The following DLG2 variants were observed in gnomAD, a reference collection of about 807,000 sequenced individuals.
DLG2 encodes the protein disks large homolog 2.
DLG2 carries 45 observed loss-of-function variants against 132.5 expected under a neutral mutation model. The ratio of observed to expected loss-of-function variants is 0.34; its 90% CI spans 0.27 to 0.44. The LOEUF (loss-of-function observed/expected upper bound fraction) is 0.44, where lower values mean the gene tolerates loss of function less well. Among genes scored for constraint, DLG2 ranks in the 20% least tolerant of loss-of-function variants. The probability of loss-of-function intolerance (pLI) is 1.00; values close to 1 mark genes in which losing one functional copy is unlikely to be tolerated. For synonymous variants in DLG2, 424 were observed against 419.6 expected (o/e 1.01, Z -0.13); for missense variants, 1,045 against 1,196.9 (o/e 0.87, Z 1.87).
intron 15 of DLG2, among the ~76,000 whole-genome samples, chr11:83,880,535 A>G (rs934477157): frequency 6.6e-6 from 1 of 152,070 alleles, no homozygotes; most frequent in Non-Finnish European, 1.5e-5. Flanking sequence ...TGTTTTTCCC[A>G]GGGTATAGGA....
chr11:85,411,905 T>C (rs1027502832), intron 3 of DLG2, among the ~76,000 whole-genome samples: 3 of 151,882 alleles, frequency 2.0e-5, no homozygotes, highest in Admixed American at 2.0e-4. Flanking sequence ...GACTGCAGTG[T>C]CTTTTCTCAT....
chr11:84,634,420 A>T (rs1314792774), intron 6 of DLG2, among the ~76,000 whole-genome samples: 1 of 152,196 alleles, frequency 6.6e-6, no homozygotes, highest in African/African-American at 2.4e-5. Flanking sequence ...ACTTAACTGG[A>T]TGTGTAAACA....
intron 7 of DLG2, among the ~76,000 whole-genome samples, chr11:84,304,913 T>C (rs1017903644): frequency 7.9e-5 from 12 of 152,198 alleles, no homozygotes; most frequent in African/African-American, 2.9e-4. Flanking sequence ...TTCCATTCTA[T>C]CAGATTCAAC....
intron 3 of DLG2, among the ~76,000 whole-genome samples, chr11:85,357,705 TA>T (rs1234014860): frequency 0.54 from 1,448 of 2,660 alleles, 151 homozygotes; most frequent in Admixed American, 0.56. Flanking sequence ...TGTTCTGAAT[TA>T]TATATATATA....
chr11:84,114,063 C>T (rs975591817), intron 9 of DLG2, among the ~76,000 whole-genome samples: 15 of 151,846 alleles, frequency 9.9e-5, no homozygotes, highest in East Asian at 9.7e-4. Context: ...ACTTACTACT[C>T]TTTTTGGCTT....
chr11:84,919,568 A>T (rs188375807), intron 6 of DLG2, among the ~76,000 whole-genome samples: 1 of 152,212 alleles, frequency 6.6e-6, no homozygotes, highest in Admixed American at 6.5e-5. Flanking sequence ...GTAACTAGTC[A>T]TTGCCTCTCT....
rs983113743 is a variant in DLG2, at chr11:84,200,810, T to C, written c.574-37299A>G. On this transcript the variant is annotated intron_variant, in intron 8 of 27. Transcript: ENST00000376104. ...GCACATTGATTCGGTATCCTGAGACTTTGCTGAAGTTGCTTATCAGCTTAA... is the reference window on the plus strand; with the variant it reads ...GCACATTGATTCGGTATCCTGAGACCTTGCTGAAGTTGCTTATCAGCTTAA... Among the ~76,000 whole-genome samples, 60 of 152,198 alleles carry C rather than the reference T, an allele frequency of 3.9e-4. 1 individual carries two copies. Among genetic ancestry groups the C allele is most frequent in the African/African-American group, 1.4e-3 (56 of 41,450 alleles).
chr11:84,942,849 T>C (rs935059924), intron 6 of DLG2, among the ~76,000 whole-genome samples: 1 of 152,098 alleles, frequency 6.6e-6, no homozygotes, highest in Admixed American at 6.6e-5. Context: ...TGTATTGAGA[T>C]TTTTCCCTCT....
At chr11:84,592,305 T>A (rs1251635086) in intron 6 of DLG2, among the ~76,000 whole-genome samples, 1 of 152,152 alleles carries the variant, frequency 6.6e-6, no homozygotes, top group Non-Finnish European at 1.5e-5. Context: ...ACTCACTGAA[T>A]TAAAGTATGA....
At chr11:84,461,988 AAAGACAGGAGATC>A (rs927197231) in intron 7 of DLG2, among the ~76,000 whole-genome samples, 3 of 151,006 alleles carry the variant, frequency 2.0e-5, no homozygotes, top group South Asian at 2.1e-4. Context: ...AAGACATCAG[AAAGACAGGAGATC>A]AAGATCCTTG....
chr11:84,201,808 C>CTTTTTTTT lies in DLG2; in HGVS notation c.574-38305_574-38298dup, dbSNP rs58905339. ...TCACAGAGTTAGAAGAAACTATTTTCTTTTTTTTTTTTTTTTTTTTTTTTT... is the reference window on the plus strand; with the variant it reads ...TCACAGAGTTAGAAGAAACTATTTTCTTTTTTTTTTTTTTTTTTTTTTTTTTTTTTTTT... On this transcript the variant is annotated intron_variant, in intron 8 of 27. Transcript: ENST00000376104. Among the ~76,000 whole-genome samples the CTTTTTTTT allele has an allele frequency of 1.1e-3, 74 of 64,608 alleles. 5 individuals carry two copies. The highest frequency in any genetic ancestry group is 1.4e-3 in the Non-Finnish European group (53 of 37,870). 42.4% of individuals were successfully genotyped at this position (64,608 alleles called of 152,430 possible).
intron 6 of DLG2, among the ~76,000 whole-genome samples, chr11:84,549,417 T>C (rs375452197): frequency 4.9e-4 from 74 of 152,342 alleles, no homozygotes; most frequent in African/African-American, 1.7e-3. Context: ...TGAGTGAGAA[T>C]CATTCACTAC....
chr11:83,789,281 A>G (rs1330524853), intron 17 of DLG2, among the ~76,000 whole-genome samples: 1 of 149,276 alleles, frequency 6.7e-6, no homozygotes, highest in African/African-American at 2.5e-5. Context: ...TTTATTCAAC[A>G]CTATCTTTTG....
intron 4 of DLG2, among the ~76,000 whole-genome samples, chr11:85,231,143 A>T (rs1253340245): frequency 6.6e-6 from 1 of 151,916 alleles, no homozygotes; most frequent in African/African-American, 2.4e-5. Flanking sequence ...ACCAAAAAAA[A>T]TTTGCCCATT....
chr11:84,619,973 A>T (rs60506789), intron 6 of DLG2, among the ~76,000 whole-genome samples: 152 of 151,878 alleles, frequency 1.0e-3, no homozygotes, highest in African/African-American at 3.3e-3. Flanking sequence ...ACATGAAAGA[A>T]TAAAACCTAA....
chr11:85,468,620 T>C (rs2092882955), intron 3 of DLG2, among the ~76,000 whole-genome samples: 1 of 152,128 alleles, frequency 6.6e-6, no homozygotes, highest in South Asian at 2.1e-4. Context: ...AGTTGAGCGG[T>C]TTTGAGTGAG....
At chr11:84,852,111 C>T (rs1036537207) in intron 6 of DLG2, among the ~76,000 whole-genome samples, 24 of 151,968 alleles carry the variant, frequency 1.6e-4, no homozygotes, top group African/African-American at 5.6e-4. Flanking sequence ...GTGAGCCTAC[C>T]TGCAGGAAAT....
intron 6 of DLG2, among the ~76,000 whole-genome samples, chr11:84,560,432 T>C (rs1340833630): frequency 6.6e-6 from 1 of 152,112 alleles, no homozygotes; most frequent in African/African-American, 2.4e-5. Flanking sequence ...ACTTTTATCA[T>C]CTGCTGTTAA....
chr11:84,675,443 A>G (rs2099710234), intron 6 of DLG2, among the ~76,000 whole-genome samples: 1 of 152,116 alleles, frequency 6.6e-6, no homozygotes, highest in Non-Finnish European at 1.5e-5. Context: ...GATATTTTTA[A>G]CAAATAAGAT....
Sources: allele counts gnomAD v4.1 joint callset (sites outside exome capture counted in the v4.1 genomes callset), GRCh38; gene constraint gnomAD v4.1.1; transcripts MANE v1.5; gene names NCBI Gene and HGNC (gene_info 2026-07-23, HGNC 2026-07-21).